Variants in AVEN observed in about 807,000 individuals in gnomAD.
The protein encoded by AVEN is apoptosis and caspase activation inhibitor, also known as cell death regulator Aven.
A neutral mutation model predicts 38.1 loss-of-function variants in AVEN; 41 were observed. The observed-to-expected ratio is 1.08, with a 90% CI of 0.84 to 1.40. AVEN has a LOEUF of 1.40. Ranked by LOEUF, AVEN falls within the 40% of genes most tolerant of loss-of-function variation. The pLI is 0.00. For missense variants in AVEN, 605 were observed against 438.8 expected (o/e 1.38, Z -3.38); for synonymous variants, 206 against 171.8 (o/e 1.20, Z -1.56).
chr15:34,066,137 C>T (rs531758308), exon 4 of AVEN: 2 of 152,234 alleles, frequency 1.3e-5, no homozygotes, highest in South Asian at 2.1e-4. Context: ...ATCTGCTGAG[C>T]CTTTGTAAAG....
chr15:33,878,798 A>C (rs1384607006), intron 2 of AVEN, among the ~76,000 whole-genome samples: 2 of 152,172 alleles, frequency 1.3e-5, no homozygotes, highest in Non-Finnish European at 2.9e-5. Flanking sequence ...AAATAGGAAA[A>C]GGGGAGAATA....
At chr15:33,892,261 T>A (rs2153040756) in intron 2 of AVEN, among the ~76,000 whole-genome samples, 1 of 152,374 alleles carries the variant, frequency 6.6e-6, no homozygotes. Context: ...TTGGCTTTTG[T>A]TGCCATTGCT....
intron 2 of AVEN, among the ~76,000 whole-genome samples, chr15:33,940,562 G>C (rs1894277067): frequency 6.6e-6 from 1 of 150,978 alleles, no homozygotes; most frequent in African/African-American, 2.4e-5. Context: ...TTTTTTTTGA[G>C]ACAGAGTCTC....
downstream of AVEN, chr15:33,864,112 CTAATA>C: frequency 6.3e-7 from 1 of 1,583,702 alleles, no homozygotes; most frequent in Non-Finnish European, 8.6e-7. Context: ...ACCAGAGTAT[CTAATA>C]CTATCTTTTC....
intron 2 of AVEN, among the ~76,000 whole-genome samples, chr15:33,989,504 C>T (rs768558772): frequency 2.6e-5 from 4 of 151,456 alleles, no homozygotes; most frequent in South Asian, 2.1e-4. Context: ...GATCCCCTGA[C>T]GCCCACCAAG....
intron 2 of AVEN, among the ~76,000 whole-genome samples, chr15:33,936,972 A>G (rs1894084822): frequency 6.6e-6 from 1 of 151,424 alleles, no homozygotes; most frequent in South Asian, 2.1e-4. Context: ...TCTACTAAAA[A>G]TGCAAAAAAT....
chr15:34,034,722 G>A (rs188055164), intron 1 of AVEN, among the ~76,000 whole-genome samples: 125 of 152,286 alleles, frequency 8.2e-4, no homozygotes, highest in Non-Finnish European at 1.4e-3. Context: ...AACAGAATAT[G>A]TTAACAAGGA....
chr15:34,028,867 TGAAA>T (rs1311479629), intron 1 of AVEN, among the ~76,000 whole-genome samples: 1 of 150,082 alleles, frequency 6.7e-6, no homozygotes, highest in Non-Finnish European at 1.5e-5. Context: ...TACCTTCACC[TGAAA>T]GAAAGAGGAA....
chr15:34,061,341 T>C (rs1252288802), intron 5 of AVEN, among the ~76,000 whole-genome samples: 2 of 152,276 alleles, frequency 1.3e-5, no homozygotes, highest in South Asian at 4.1e-4. Context: ...ATATAGTACA[T>C]CCATTAAGTG....
rs1246205308 is a variant in AVEN, at chr15:34,038,798, GC to G, written c.248del (p.Gly83AlafsTer127). The G allele has an allele frequency of 5.0e-6, 6 of 1,191,108 alleles. No individual in the cohort carries two copies. The highest frequency in any genetic ancestry group is 4.1e-5 in the Admixed American group (1 of 24,278). The allele number at this position is 1,191,108 out of a possible 1,614,324, so 73.8% of individuals were successfully genotyped here. Reference protein sequence around the residue: ...RGSRREPGGWGAGASAPVEDD... With the variant: ...RGSRREPGGWXAGASAPVEDD... ...CTCTTACCGGCGCGCTGGCCCCTGC[GC>G]CCCAGCCTCCCGGCTCCCGGCGGCT... On this transcript the variant is annotated frameshift_variant, in exon 1 of 6. Transcript: ENST00000306730. LOFTEE classifies it high-confidence loss of function.
At chr15:33,903,081 A>G (rs576501688) in intron 2 of AVEN, among the ~76,000 whole-genome samples, 9 of 152,310 alleles carry the variant, frequency 5.9e-5, no homozygotes, top group Admixed American at 2.0e-4. Flanking sequence ...AAAATTCTAG[A>G]TACTTCTTTT....
At position 34,063,409 on chromosome 15, in the gene AVEN, A is replaced by G; in HGVS notation, n.1150T>C. 1.2e-6 allele frequency: 2 copies of G among 1,614,000 alleles called. No homozygotes were observed. Among genetic ancestry groups the G allele is most frequent in the Non-Finnish European group, 1.7e-6 (2 of 1,180,034 alleles). ...CGAACCAAGGACCTGGCTGACCTCC[A>G]GGGTTCTGACTCTGTGACCAAAGCT... On this transcript the variant is annotated non_coding_transcript_exon_variant, in exon 5 of 12. Transcript: ENST00000675287. This position sits in a 1 kb window ranked among gnomAD's most constrained non-coding sequence, Gnocchi z 4.1.
chr15:34,017,962 A>G (rs753486276), intron 1 of AVEN, among the ~76,000 whole-genome samples: 31 of 152,230 alleles, frequency 2.0e-4, no homozygotes, highest in Non-Finnish European at 3.8e-4. Flanking sequence ...ATACTGATGT[A>G]AACAAACCTA....
At chr15:33,864,856 A>C (rs552117363), downstream of AVEN, 71 of 380,212 alleles carry the variant, frequency 1.9e-4, no homozygotes, top group Admixed American at 2.8e-3. Flanking sequence ...TAAATCTTTA[A>C]GTATGTTTAG....
chr15:33,888,628 G>A (rs1891805405), intron 2 of AVEN, among the ~76,000 whole-genome samples: 1 of 152,214 alleles, frequency 6.6e-6, no homozygotes, highest in South Asian at 2.1e-4. Flanking sequence ...AATGTTTATA[G>A]TCAATGTAAC....
At chr15:33,965,543 T>C (rs1234657864) in intron 2 of AVEN, among the ~76,000 whole-genome samples, 1 of 152,150 alleles carries the variant, frequency 6.6e-6, no homozygotes, top group Non-Finnish European at 1.5e-5. Context: ...AAAAAGGACC[T>C]TGTAAAAGAA....
intron 2 of AVEN, among the ~76,000 whole-genome samples, chr15:33,920,130 G>C (rs1319343612): frequency 6.6e-6 from 1 of 152,048 alleles, no homozygotes; most frequent in Non-Finnish European, 1.5e-5. Context: ...TCTTCTATAT[G>C]CAACAGGGTG....
chr15:33,900,638 C>A (rs1177075578), intron 2 of AVEN, among the ~76,000 whole-genome samples: 6 of 137,536 alleles, frequency 4.4e-5, no homozygotes, highest in African/African-American at 1.3e-4. Flanking sequence ...AAAAAAAAAA[C>A]TGATCGCATA....
upstream of AVEN, among the ~76,000 whole-genome samples, chr15:34,041,918 C>T (rs1012434328): frequency 2.7e-4 from 41 of 152,074 alleles, no homozygotes; most frequent in African/African-American, 9.4e-4. Flanking sequence ...CTCAGAAGTC[C>T]GGGGGTATGT....
Sources: allele counts gnomAD v4.1 joint callset (sites outside exome capture counted in the v4.1 genomes callset), GRCh38; gene constraint gnomAD v4.1.1; non-coding constraint Gnocchi (gnomAD v3.1); transcripts MANE v1.5; gene names NCBI Gene and HGNC (gene_info 2026-07-23, HGNC 2026-07-21).